The following BLTP1 variants were observed in gnomAD, a reference collection of about 807,000 sequenced individuals.
BLTP1 encodes the protein bridge-like lipid transfer protein family member 1.
chr4:122,204,385 A>G, the BLTP1 span: 1 of 882,774 alleles, frequency 1.1e-6, no homozygotes, highest in Non-Finnish European at 1.4e-6. Flanking sequence ...GCCATTTACA[A>G]AGCATGTTCA....
the BLTP1 span, among the ~76,000 whole-genome samples, chr4:122,360,774 G>A: frequency 6.6e-6 from 1 of 151,984 alleles, no homozygotes; most frequent in Non-Finnish European, 1.5e-5. Context: ...TCCTAATGCA[G>A]AAAACTATTT....
the BLTP1 span, among the ~76,000 whole-genome samples, chr4:122,172,558 C>T: frequency 4.6e-5 from 7 of 152,058 alleles, no homozygotes; most frequent in Non-Finnish European, 8.8e-5. Flanking sequence ...TACTAAATTC[C>T]GACTTCTTTT....
At chr4:122,227,426 C>A in the BLTP1 span, 3 of 984,602 alleles carry the variant, frequency 3.0e-6, no homozygotes, top group East Asian at 3.4e-4. Flanking sequence ...TAAATACTCT[C>A]CCTTATGAAT....
At chr4:122,283,137 A>G in the BLTP1 span, among the ~76,000 whole-genome samples, 1 of 152,134 alleles carries the variant, frequency 6.6e-6, no homozygotes, top group East Asian at 1.9e-4. Flanking sequence ...GATAATAAAA[A>G]TATTTTGTTA....
the BLTP1 span, chr4:122,301,165 T>A: frequency 2.6e-5 from 30 of 1,155,054 alleles, no homozygotes; most frequent in Non-Finnish European, 2.3e-6. Context: ...CTCAGTTAAA[T>A]GTAACTTAGC....
the BLTP1 span, chr4:122,187,371 A>G: frequency 1.1e-5 from 17 of 1,598,376 alleles, no homozygotes; most frequent in South Asian, 1.8e-4. Flanking sequence ...GAGGAAGTGA[A>G]CTATGTCCTC....
At chr4:122,358,829 A>G in the BLTP1 span, among the ~76,000 whole-genome samples, 1 of 152,218 alleles carries the variant, frequency 6.6e-6, no homozygotes, top group Non-Finnish European at 1.5e-5. Context: ...TGAAAATATT[A>G]ATGGCAAAAA....
At chr4:122,280,325 T>C in the BLTP1 span, among the ~76,000 whole-genome samples, 1 of 152,198 alleles carries the variant, frequency 6.6e-6, no homozygotes, top group Admixed American at 6.5e-5. Flanking sequence ...CATTGGAAAC[T>C]TATGACTGCA....
chr4:122,209,831 G>GA, the BLTP1 span: 1 of 1,613,306 alleles, frequency 6.2e-7, no homozygotes, highest in Non-Finnish European at 8.5e-7. Context: ...TGGTTGGGTT[G>GA]AATGCTGGAC....
chr4:122,356,492 A>C, the BLTP1 span: 2 of 938,474 alleles, frequency 2.1e-6, no homozygotes, highest in Non-Finnish European at 3.2e-6. Flanking sequence ...TCATCCTGTA[A>C]ATCACATACA....
chr4:122,231,613 C>T, the BLTP1 span: 893 of 943,428 alleles, frequency 9.5e-4, 2 homozygotes, highest in African/African-American at 0.014. Context: ...ATGTCAGTTA[C>T]TAATTTGAGA....
chr4:122,287,782 G>T, the BLTP1 span: 1 of 794,242 alleles, frequency 1.3e-6, no homozygotes, highest in Admixed American at 6.3e-5. Flanking sequence ...ACAAGTGTAC[G>T]AAAAAATAGT....
chr4:122,288,919 C>A, the BLTP1 span: 2 of 410,480 alleles, frequency 4.9e-6, no homozygotes, highest in Non-Finnish European at 3.3e-6. Flanking sequence ...AGTTTCTGGC[C>A]AGTAACGTAT....
chr4:122,244,923 A>G, the BLTP1 span: 3 of 1,397,710 alleles, frequency 2.1e-6, no homozygotes, highest in African/African-American at 4.3e-5. Flanking sequence ...ATTGTTGTAC[A>G]TATTCAGATG....
At chr4:122,353,771 ATATG>A in the BLTP1 span, 2 of 1,568,744 alleles carry the variant, frequency 1.3e-6, no homozygotes, top group African/African-American at 2.7e-5. This position sits in a 1 kb window ranked among gnomAD's most constrained non-coding sequence, Gnocchi z 4.3. Context: ...TTGAATCTAA[ATATG>A]GTTTATTACT....
At chr4:122,219,219 A>C in the BLTP1 span, 1 of 1,453,028 alleles carries the variant, frequency 6.9e-7, no homozygotes, top group Non-Finnish European at 9.1e-7. Flanking sequence ...AATAGGCCTG[A>C]TGCCTTTTTA....
At chr4:122,154,163 T>TTTG in the BLTP1 span, 1 of 196,314 alleles carries the variant, frequency 5.1e-6, no homozygotes, top group East Asian at 8.1e-4. Context: ...GGTTAAAGAC[T>TTTG]TTTTTTTTTT....
At chr4:122,174,462 G>A in the BLTP1 span, 1 of 1,480,434 alleles carries the variant, frequency 6.8e-7, no homozygotes, top group Non-Finnish European at 9.0e-7. Flanking sequence ...GGAAGAGAGT[G>A]AGAAGAGATG....
At chr4:122,309,615 T>A in the BLTP1 span, 1 of 805,806 alleles carries the variant, frequency 1.2e-6, no homozygotes, top group Non-Finnish European at 1.9e-6. Context: ...ACAAACCATA[T>A]TCGTGAAAAA....
Sources: allele counts gnomAD v4.1 joint callset (sites outside exome capture counted in the v4.1 genomes callset), GRCh38; gene constraint gnomAD v4.1.1; non-coding constraint Gnocchi (gnomAD v3.1); transcripts MANE v1.5; gene names NCBI Gene and HGNC (gene_info 2026-07-23, HGNC 2026-07-21).